The following EPB41L4A variants were observed in gnomAD, a reference collection of about 807,000 sequenced individuals.
EPB41L4A encodes band 4.1-like protein 4A.
EPB41L4A carries 100 observed loss-of-function variants against 108.6 expected under a neutral mutation model. That is an observed-to-expected ratio of 0.92 (90% CI 0.78 to 1.09). The LOEUF (loss-of-function observed/expected upper bound fraction) is 1.09, where lower values mean the gene tolerates loss of function less well. EPB41L4A is among the 50% of genes least tolerant of loss of function. EPB41L4A has a pLI of 0.00. For synonymous variants in EPB41L4A, 319 were observed against 289.0 expected (o/e 1.10, Z -1.05); for missense variants, 1,030 against 842.7 (o/e 1.22, Z -2.75).
intron 1 of EPB41L4A, among the ~76,000 whole-genome samples, chr5:112,408,956 T>C (rs537560266): frequency 1.2e-4 from 18 of 152,060 alleles, no homozygotes; most frequent in Non-Finnish European, 2.2e-4. Context: ...ATTCCACTCT[T>C]AGGTATATAC....
At position 112,164,254 on chromosome 5, in the gene EPB41L4A, A is replaced by C. The variant is rs1352241185; in HGVS notation, c.*736T>G. 11 of 152,268 alleles carry C rather than the reference A, an allele frequency of 7.2e-5. No homozygotes were observed. Among genetic ancestry groups the C allele is most frequent in the African/African-American group, 2.4e-4 (10 of 41,474 alleles). The allele number at this position is 152,268 out of a possible 1,614,324, so 9.4% of individuals were successfully genotyped here. A position where few individuals can be genotyped will look rare whatever the true frequency, so the allele number is the denominator to read the frequency against. ...AAGTATTATAAAGAACTTTATATGA[A>C]TAAAAATATATGCAGTCTGAAAGTG... On this transcript the variant is annotated 3_prime_UTR_variant, in exon 23 of 23. Transcript: ENST00000261486.
chr5:112,170,874 A>G (rs768384159), intron 19 of EPB41L4A, 71 bp downstream of exon 19: 33 of 1,379,872 alleles, frequency 2.4e-5, no homozygotes, highest in Non-Finnish European at 3.3e-5. Flanking sequence ...TCTCAGTATC[A>G]GGAGTCTTCC....
chr5:112,191,428 A>G (rs1379501275), intron 17 of EPB41L4A, among the ~76,000 whole-genome samples: 1 of 152,216 alleles, frequency 6.6e-6, no homozygotes, highest in Non-Finnish European at 1.5e-5. Flanking sequence ...TTAGCCTTCC[A>G]GAGCTGGTGT....
At chr5:112,251,261 A>G (rs2150410256) in intron 9 of EPB41L4A, among the ~76,000 whole-genome samples, 1 of 152,342 alleles carries the variant, frequency 6.6e-6, no homozygotes, top group South Asian at 2.1e-4. Flanking sequence ...TTACCCTATG[A>G]CCTAGCAATC....
intron 12 of EPB41L4A, among the ~76,000 whole-genome samples, chr5:112,224,611 T>G (rs1231385330): frequency 6.6e-6 from 1 of 152,194 alleles, no homozygotes; most frequent in Admixed American, 6.5e-5. Flanking sequence ...GACCAGGAAT[T>G]CAGGGCTACT....
At position 112,409,176 on chromosome 5, in the gene EPB41L4A, C is replaced by G. The variant is rs140913499; in HGVS notation, c.99+9765G>C. The stretch of plus-strand genomic sequence containing the variant: ...TAAAATGACAAAGTACTGATATGTG[C>G]TACATTGTGAATGAATCTTGAAAAC... On this transcript the variant is annotated intron_variant, in intron 1 of 22. Transcript: ENST00000261486. 4.9e-3 allele frequency among the ~76,000 whole-genome samples: 748 copies of G among 152,250 alleles called. 9 individuals are homozygous for G. Among genetic ancestry groups the G allele is most frequent in the African/African-American group, 0.017 (686 of 41,548 alleles).
At chr5:112,183,549 G>A (rs574703535) in intron 18 of EPB41L4A, among the ~76,000 whole-genome samples, 1 of 152,312 alleles carries the variant, frequency 6.6e-6, no homozygotes, top group South Asian at 2.1e-4. Flanking sequence ...AGCAACAGGA[G>A]GAGCACGCAA....
At chr5:112,254,437 C>T (rs1427146802) in intron 9 of EPB41L4A, among the ~76,000 whole-genome samples, 1 of 152,130 alleles carries the variant, frequency 6.6e-6, no homozygotes, top group Non-Finnish European at 1.5e-5. Context: ...CATGTTCCAC[C>T]CTGCAGCCAG....
chr5:112,251,205 A>G (rs1295416368), intron 9 of EPB41L4A, among the ~76,000 whole-genome samples: 1 of 152,196 alleles, frequency 6.6e-6, no homozygotes, highest in Non-Finnish European at 1.5e-5. Context: ...ACAACTACGA[A>G]TGAAGCCTGG....
intron 12 of EPB41L4A, among the ~76,000 whole-genome samples, chr5:112,152,056 T>C (rs1276662863): frequency 3.9e-5 from 6 of 152,212 alleles, no homozygotes; most frequent in African/African-American, 7.2e-5. Context: ...TTGAGTTAGA[T>C]ATGCAAGTTA....
chr5:112,266,451 T>C lies in EPB41L4A; in HGVS notation c.336-121A>G, dbSNP rs1359588086. 3 of 653,832 alleles carry C rather than the reference T, an allele frequency of 4.6e-6. No individual in the cohort carries two copies. The African/African-American group carries it at 5.5e-5, about 12-fold the overall frequency. The allele number at this position is 653,832 out of a possible 1,614,324, so 40.5% of individuals were successfully genotyped here. ...TCAATTAAAATAAAGTCACCCCCCA[T>C]TCTTGTGTGAGGGGGCTGTTGAGTG... is the stretch of plus-strand genomic sequence containing the variant. On this transcript the variant is annotated intron_variant, in intron 4 of 22. Coordinates refer to ENST00000261486, the MANE Select transcript of EPB41L4A (RefSeq NM_022140.5).
chr5:112,285,645 C>T (rs1016041227), intron 2 of EPB41L4A, among the ~76,000 whole-genome samples: 2 of 152,132 alleles, frequency 1.3e-5, no homozygotes, highest in South Asian at 2.1e-4. Flanking sequence ...CAACTGGCCC[C>T]GTTTTTCAGC....
At chr5:112,165,169 G>T in intron 22 of EPB41L4A, 51 bp from the exon 23 acceptor site, 2 of 1,444,500 alleles carry the variant, frequency 1.4e-6, no homozygotes, top group Admixed American at 1.9e-5. Context: ...ACAGCCAAAT[G>T]AAGTATTTTA....
At chr5:112,266,126 TGCAAAA>T in intron 5 of EPB41L4A, 101 bp downstream of exon 5, 2 of 785,092 alleles carry the variant, frequency 2.5e-6, no homozygotes, top group Non-Finnish European at 4.0e-6. Flanking sequence ...TTCTTTTTTT[TGCAAAA>T]TCTCATGGAT....
intron 18 of EPB41L4A, among the ~76,000 whole-genome samples, chr5:112,178,309 T>C (rs1561452311): frequency 6.6e-6 from 1 of 151,968 alleles, no homozygotes; most frequent in Non-Finnish European, 1.5e-5. Context: ...TAACTTGAAG[T>C]AAAAACTGAC....
At chr5:112,170,120 T>C (rs1432577190) in intron 20 of EPB41L4A, 181 bp downstream of exon 20, 1 of 611,948 alleles carries the variant, frequency 1.6e-6, no homozygotes, top group Non-Finnish European at 2.8e-6. Flanking sequence ...ATGATAGTGA[T>C]TATAGTGTAG....
At chr5:112,293,196 T>C (rs1281134544) in intron 2 of EPB41L4A, among the ~76,000 whole-genome samples, 1 of 151,888 alleles carries the variant, frequency 6.6e-6, no homozygotes, top group Non-Finnish European at 1.5e-5. Context: ...TTGTTTTCAA[T>C]TGTTGTTCGA....
At chr5:112,414,472 C>A (rs568587347) in intron 1 of EPB41L4A, among the ~76,000 whole-genome samples, 1 of 152,132 alleles carries the variant, frequency 6.6e-6, no homozygotes, top group East Asian at 1.9e-4. Flanking sequence ...AGGTGCCACA[C>A]ATCTGGTGAG....
intron 2 of EPB41L4A, among the ~76,000 whole-genome samples, 173 bp downstream of exon 2, chr5:112,307,213 T>A (rs1754746115): frequency 6.6e-6 from 1 of 152,176 alleles, no homozygotes; most frequent in African/African-American, 2.4e-5. Flanking sequence ...CTCTACAGAC[T>A]TTTGGCAGAA....
Sources: gnomAD v4.1 joint callset for allele counts (sites outside exome capture counted in the v4.1 genomes callset) on GRCh38, gnomAD v4.1.1 for gene constraint, MANE v1.5 for transcripts, NCBI Gene and HGNC (gene_info 2026-07-23, HGNC 2026-07-21) for gene names.